The following ERC1 variants were observed in gnomAD, a reference collection of about 807,000 sequenced individuals.
ERC1 encodes ELKS/RAB6-interacting/CAST family member 1, also known as RAB6 interacting protein 2.
ERC1 carries 56 observed loss-of-function variants against 132.0 expected under a neutral mutation model. The ratio of observed to expected loss-of-function variants is 0.42; its 90% CI spans 0.34 to 0.53. The LOEUF (loss-of-function observed/expected upper bound fraction) is 0.53. Among genes scored for constraint, ERC1 ranks in the 20% least tolerant of loss-of-function variants. The probability of loss-of-function intolerance (pLI) is 0.03; values close to 1 mark genes in which losing one functional copy is unlikely to be tolerated. For missense variants in ERC1, 1,202 were observed against 1,349.9 expected (o/e 0.89, Z 1.72); for synonymous variants, 478 against 476.1 (o/e 1.00, Z -0.05).
intron 16 of ERC1, among the ~76,000 whole-genome samples, chr12:1,400,251 A>G (rs1314679002): frequency 6.6e-6 from 1 of 152,200 alleles, no homozygotes; most frequent in African/African-American, 2.4e-5. Flanking sequence ...AAAGATTCAA[A>G]TCCCTTGCTC....
intron 1 of ERC1, among the ~76,000 whole-genome samples, chr12:1,015,529 C>T (rs369551880): frequency 1.3e-5 from 2 of 152,278 alleles, no homozygotes; most frequent in South Asian, 4.1e-4. Context: ...AATATCATTG[C>T]ACATTATGTC....
chr12:1,147,695 T>A (rs973016466), intron 8 of ERC1, among the ~76,000 whole-genome samples: 1 of 152,214 alleles, frequency 6.6e-6, no homozygotes, highest in Non-Finnish European at 1.5e-5. Flanking sequence ...TACGAATTTT[T>A]AAAATTTCGC....
At chr12:1,231,682 T>C (rs1426147907) in intron 12 of ERC1, among the ~76,000 whole-genome samples, 1 of 152,178 alleles carries the variant, frequency 6.6e-6, no homozygotes, top group East Asian at 1.9e-4. Flanking sequence ...TTTTTTTTTT[T>C]TTCCCTCTGA....
intron 2 of ERC1, among the ~76,000 whole-genome samples, chr12:1,073,320 G>GT (rs984616029): frequency 1.3e-5 from 2 of 151,140 alleles, no homozygotes; most frequent in Non-Finnish European, 2.9e-5. Context: ...TTAAAAAAAT[G>GT]TTTTTTTCAG....
intron 1 of ERC1, among the ~76,000 whole-genome samples, chr12:1,008,936 A>G (rs1964199248): frequency 6.6e-6 from 1 of 152,182 alleles, no homozygotes; most frequent in African/African-American, 2.4e-5. Flanking sequence ...ATTGGACAAC[A>G]CAGCTCTGGA....
intron 12 of ERC1, among the ~76,000 whole-genome samples, chr12:1,219,635 C>CTTTTTTTTTTT (rs775838825): frequency 5.0e-5 from 7 of 140,742 alleles, no homozygotes; most frequent in African/African-American, 1.1e-4. Context: ...ACTGAACTCT[C>CTTTTTTTTTTT]TTTTTTTTTT....
intron 7 of ERC1, among the ~76,000 whole-genome samples, chr12:1,130,173 G>A (rs574295429): frequency 6.6e-6 from 1 of 152,338 alleles, no homozygotes; most frequent in East Asian, 1.9e-4. Flanking sequence ...AGCTCAAGGT[G>A]TGTGAAGACA....
chr12:1,241,627 T>C (rs1254627372), intron 13 of ERC1, among the ~76,000 whole-genome samples: 1 of 152,160 alleles, frequency 6.6e-6, no homozygotes. Context: ...ATTGCTTTAA[T>C]GCATGTGGAA....
intron 15 of ERC1, among the ~76,000 whole-genome samples, chr12:1,329,415 C>T (rs546486331): frequency 1.7e-5 from 2 of 119,604 alleles, no homozygotes; most frequent in African/African-American, 3.5e-5. Flanking sequence ...CAACTACACA[C>T]GTATTAATAA....
intron 12 of ERC1, among the ~76,000 whole-genome samples, chr12:1,207,270 T>C (rs1247380608): frequency 6.6e-6 from 1 of 152,132 alleles, no homozygotes; most frequent in Non-Finnish European, 1.5e-5. Context: ...CAAAAATAGA[T>C]GTAATTGTAT....
Position 1,090,754 on chromosome 12 carries a change from CCT to C in ERC1, c.1086+7175_1086+7176del, listed in dbSNP as rs1474683526. Reference sequence around the variant, plus strand: ...AAGTGCTGAGATTACAGGCAATATGCCTGTGCCTGGCCCATTATTATTATTAT... The same window carrying C: ...AAGTGCTGAGATTACAGGCAATATGCGTGCCTGGCCCATTATTATTATTAT... On this transcript the variant is annotated intron_variant, in intron 3 of 18. Coordinates refer to ENST00000360905, the MANE Select transcript of ERC1 (RefSeq NM_178040.4). Among the ~76,000 whole-genome samples, 2 of 1,356 alleles carry C rather than the reference CCT, an allele frequency of 1.5e-3. 1 individual carries two copies. Among genetic ancestry groups the C allele is most frequent in the Non-Finnish European group, 0.033 (2 of 60 alleles). 0.9% of individuals were successfully genotyped at this position (1,356 alleles called of 152,430 possible).
At chr12:1,437,987 T>A (rs1287293705) in intron 17 of ERC1, among the ~76,000 whole-genome samples, 1 of 152,260 alleles carries the variant, frequency 6.6e-6, no homozygotes, top group Non-Finnish European at 1.5e-5. Context: ...GAGTTTCTAC[T>A]TTTAGAACCA....
chr12:1,282,528 G>A (rs1353199794), intron 14 of ERC1, among the ~76,000 whole-genome samples: 2 of 152,104 alleles, frequency 1.3e-5, no homozygotes, highest in Non-Finnish European at 2.9e-5. Context: ...CCATGAGTTG[G>A]CAAAAAGAAC....
chr12:1,146,477 G>A (rs958736641), intron 8 of ERC1, among the ~76,000 whole-genome samples: 3 of 151,650 alleles, frequency 2.0e-5, no homozygotes, highest in Non-Finnish European at 4.4e-5. Context: ...GGAGCTTTTG[G>A]ATGAGTCTTT....
rs957072819 is a variant in ERC1 at position 1,077,068 on chromosome 12, G to A, written c.670-6096G>A. 1.2e-4 allele frequency among the ~76,000 whole-genome samples: 18 copies of A among 152,180 alleles called. 1 individual carries two copies. Among genetic ancestry groups the A allele is most frequent in the African/African-American group, 4.3e-4 (18 of 41,520 alleles). ...CATTAATAAAGTTTATTTAATACAT[G>A]TATTTATATGTTTCAGAAAAAAATG... On this transcript the variant is annotated intron_variant, in intron 2 of 18. Coordinates refer to ENST00000360905, the MANE Select transcript of ERC1 (RefSeq NM_178040.4).
intron 12 of ERC1, among the ~76,000 whole-genome samples, chr12:1,231,691 G>C (rs2075052202): frequency 6.7e-6 from 1 of 149,438 alleles, no homozygotes; most frequent in East Asian, 1.9e-4. Context: ...TTTTCCCTCT[G>C]ATGGCACCTC....
At chr12:1,173,428 A>G (rs975555969) in intron 8 of ERC1, among the ~76,000 whole-genome samples, 1 of 152,234 alleles carries the variant, frequency 6.6e-6, no homozygotes, top group African/African-American at 2.4e-5. Context: ...AGTCCTAAAC[A>G]ATGGAGAGTT....
At chr12:1,268,822 T>C (rs544648553) in intron 14 of ERC1, among the ~76,000 whole-genome samples, 13 of 152,206 alleles carry the variant, frequency 8.5e-5, no homozygotes, top group Admixed American at 3.3e-4. Context: ...ACATGTTCCA[T>C]GTAGAGGGAG....
chr12:1,345,302 TC>T (rs1347791575), intron 15 of ERC1, among the ~76,000 whole-genome samples: 1 of 151,420 alleles, frequency 6.6e-6, no homozygotes, highest in Non-Finnish European at 1.5e-5. Flanking sequence ...TGCCTCAGCC[TC>T]CCGAGTAGCT....
Sources: gnomAD v4.1 joint callset for allele counts (sites outside exome capture counted in the v4.1 genomes callset) on GRCh38, gnomAD v4.1.1 for gene constraint, MANE v1.5 for transcripts, NCBI Gene and HGNC (gene_info 2026-07-23, HGNC 2026-07-21) for gene names.